Variants in KLHL22 observed in about 807,000 individuals in gnomAD.
The protein encoded by KLHL22 is kelch-like protein 22.
In KLHL22, 18 loss-of-function variants were observed where a neutral mutation model predicts 60.7. The ratio of observed to expected loss-of-function variants is 0.30; its 90% CI spans 0.20 to 0.44. The LOEUF is 0.44. Among genes scored for constraint, KLHL22 ranks in the 20% least tolerant of loss-of-function variants. The pLI is 1.00. For missense variants in KLHL22, 596 were observed against 852.3 expected, an observed-to-expected ratio of 0.70 and a Z score of 3.74; for synonymous variants, 355 against 354.5, an observed-to-expected ratio of 1.00 and a Z score of -0.01.
chr22:20,454,492 G>C (rs778124199), intron 5 of KLHL22, among the ~76,000 whole-genome samples: 1 of 152,170 alleles, frequency 6.6e-6, no homozygotes, highest in Non-Finnish European at 1.5e-5. Context: ...GTTCCCTACT[G>C]TGCATGTGGA....
At chr22:20,488,699 AG>A (rs2053629826) in intron 2 of KLHL22, 1 of 317,956 alleles carries the variant, frequency 3.1e-6, no homozygotes, top group Admixed American at 4.6e-5. Context: ...GAGGAGAGAA[AG>A]GAGGAAAGAA....
intron 5 of KLHL22, chr22:20,451,911 TCTCA>T: frequency 1.7e-6 from 2 of 1,206,680 alleles, no homozygotes; most frequent in Non-Finnish European, 2.4e-6. Context: ...AATGTCTGTT[TCTCA>T]CTATGTGCAC....
rs537459323 is a variant in KLHL22 at position 20,483,819 on chromosome 22, T to C, written c.227+5166A>G. 38 of 740,150 alleles carry C rather than the reference T, an allele frequency of 5.1e-5. No individual in the cohort carries two copies. In the East Asian group the frequency reaches 8.1e-4, roughly 16 times the overall value. The allele number at this position is 740,150 out of a possible 1,614,324, so 45.8% of individuals were successfully genotyped here. A position where few individuals can be genotyped will look rare whatever the true frequency, so the allele number is the denominator to read the frequency against. ...CTCGGTCTCCAGGCTCCTCGCTCTG[T>C]CCAGGTAGGAGGCCAGGCGGTCATT... On this transcript the variant is annotated intron_variant, in intron 2 of 6. Transcript: ENST00000328879.
At chr22:20,450,300 A>C in intron 5 of KLHL22, 1 of 1,071,656 alleles carries the variant, frequency 9.3e-7, no homozygotes, top group East Asian at 2.4e-5. Context: ...CTTCTGTGCC[A>C]TGTTCACTAG....
chr22:20,460,479 T>A lies in KLHL22; in HGVS notation c.1113-2479A>T, dbSNP rs555010057. On this transcript the variant is annotated intron_variant, in intron 4 of 6. Transcript: ENST00000328879. ...AAAAAATTAGCCAGGCATGGTGGTG[T>A]GTGGCTGTAGTTCCAGCTACTCGGG... is the stretch of plus-strand genomic sequence containing the variant. 2.6e-4 allele frequency among the ~76,000 whole-genome samples: 39 copies of A among 151,854 alleles called. No individual in the cohort carries two copies. In the South Asian group the frequency reaches 7.5e-3, roughly 29 times the overall value.
chr22:20,489,963 T>A (rs1204381234), intron 1 of KLHL22: 1 of 364,466 alleles, frequency 2.7e-6, no homozygotes, highest in East Asian at 7.6e-5. Context: ...AGTCAGTACG[T>A]TCAAAAACCG....
At chr22:20,444,687 A>G (rs2052825979) in intron 6 of KLHL22, among the ~76,000 whole-genome samples, 1 of 152,260 alleles carries the variant, frequency 6.6e-6, no homozygotes, top group Admixed American at 6.5e-5. Context: ...AAACTTAGAC[A>G]CAAGAGGGGA....
intron 2 of KLHL22, among the ~76,000 whole-genome samples, chr22:20,484,422 G>C (rs1276181653): frequency 6.6e-6 from 1 of 152,076 alleles, no homozygotes; most frequent in Non-Finnish European, 1.5e-5. Context: ...ACCCTCCTGA[G>C]TAGCTAGAAT....
At chr22:20,474,422 G>A (rs745528645) in intron 2 of KLHL22, among the ~76,000 whole-genome samples, 16 of 151,088 alleles carry the variant, frequency 1.1e-4, no homozygotes, top group Admixed American at 9.2e-4. Context: ...ATGGAGTTTC[G>A]CTCTTGTCGC....
chr22:20,484,308 T>C (rs1422078986), intron 2 of KLHL22, among the ~76,000 whole-genome samples: 1 of 152,078 alleles, frequency 6.6e-6, no homozygotes, highest in Non-Finnish European at 1.5e-5. Context: ...TGTTTTTTGC[T>C]TTTTGAGGCA....
chr22:20,490,034 C>T (rs2053657913), intron 1 of KLHL22, among the ~76,000 whole-genome samples: 1 of 152,192 alleles, frequency 6.6e-6, no homozygotes, highest in African/African-American at 2.4e-5. Flanking sequence ...ACTGCAAATG[C>T]ACTTTTGCCA....
At position 20,478,203 on chromosome 22, in the gene KLHL22, T is replaced by C. The variant is rs2053443409; in HGVS notation, c.228-6688A>G. Among the ~76,000 whole-genome samples, 3 of 149,674 alleles carry C rather than the reference T, an allele frequency of 2.0e-5. No homozygotes were observed. The South Asian group carries it at 6.4e-4, about 32-fold the overall frequency. On this transcript the variant is annotated intron_variant, in intron 2 of 6. Transcript: ENST00000328879. ...TTTTCACCAAAAATTTTACCAAATT[T>C]AATTTTTTTTTTTTTTTCTGAGGCA...
rs746622691 is a variant in KLHL22 at position 20,442,195 on chromosome 22, G to A, written c.1783C>T (p.Arg595Cys). The stretch of plus-strand genomic sequence containing the variant: ...CGGGGCGGCTCAAGGAGCAGGGAGC[G>A]GGGCAGGGTGAGCACACAGGCCGCC... ...GLAACVLTLP[R>C]SLLLEPPRGT... The change falls in exon 7 of 7, where the codon CGC (arginine) becomes TGC (cysteine). Residue 595 changes from arginine to cysteine, a missense_variant. By Grantham distance (180) the Arg-to-Cys change is radical. Coordinates refer to ENST00000328879, the MANE Select transcript of KLHL22 (RefSeq NM_032775.4). 12 of 1,588,882 alleles carry A rather than the reference G, an allele frequency of 7.6e-6. No homozygotes were observed. Among genetic ancestry groups the A allele is most frequent in the African/African-American group, 6.7e-5 (5 of 74,454 alleles).
chr22:20,480,060 G>C (rs1232135111), intron 2 of KLHL22, among the ~76,000 whole-genome samples: 2 of 152,192 alleles, frequency 1.3e-5, no homozygotes, highest in Non-Finnish European at 2.9e-5. Flanking sequence ...TAACACACAT[G>C]AACCTTAAGG....
intron 1 of KLHL22, among the ~76,000 whole-genome samples, chr22:20,490,185 C>T (rs893856311): frequency 1.3e-5 from 2 of 152,206 alleles, no homozygotes; most frequent in African/African-American, 4.8e-5. Flanking sequence ...GTCTTCTCCA[C>T]CTCACTTCAT....
At chr22:20,480,827 CTTTTT>C (rs760373717) in intron 2 of KLHL22, among the ~76,000 whole-genome samples, 1 of 121,570 alleles carries the variant, frequency 8.2e-6, no homozygotes, top group Admixed American at 8.5e-5. Flanking sequence ...TTACGCCAAA[CTTTTT>C]TTTTTTTTTT....
At position 20,484,004 on chromosome 22, in the gene KLHL22, G is replaced by A. The variant is rs572576417; in HGVS notation, c.227+4981C>T. The A allele has an allele frequency of 2.5e-4, 177 of 719,586 alleles. 1 individual carries two copies. The highest frequency in any genetic ancestry group is 7.5e-4 in the Middle Eastern group (2 of 2,684). 44.6% of individuals were successfully genotyped at this position (719,586 alleles called of 1,614,324 possible). The stretch of plus-strand genomic sequence containing the variant: ...CAGAGCCCTCGGTGCCTGCATAGAC[G>A]CTGGCCACGCTGCTGACCAGCCAGG... On this transcript the variant is annotated intron_variant, in intron 2 of 6. Transcript: ENST00000328879.
chr22:20,450,091 A>C, intron 5 of KLHL22: 2 of 759,510 alleles, frequency 2.6e-6, no homozygotes, highest in Admixed American at 1.7e-5. Flanking sequence ...GAATCCAAGG[A>C]CCTATTTTTG....
In KLHL22 at chr22:20,464,926, G is replaced by A; in HGVS notation, c.1044C>T (p.Asn348=). 3 of 1,580,758 alleles carry A rather than the reference G, an allele frequency of 1.9e-6. No homozygotes were observed. The highest frequency in any genetic ancestry group is 2.6e-6 in the Non-Finnish European group (3 of 1,165,712). ...RMSNQGIAVL[N]NFVYLIGGDN... is the part of the protein sequence containing the mutation. ...CCCCTCCAATCAAGTATACGAAGTT[G>A]TTGAGCACCGCGATGCCCTGGTTGG... is the stretch of plus-strand genomic sequence containing the variant. Residue 348 remains asparagine (N), a synonymous_variant, in exon 4 of 7, where the codon AAC becomes AAT. Coordinates refer to ENST00000328879, the MANE Select transcript of KLHL22 (RefSeq NM_032775.4).
Sources: allele counts gnomAD v4.1 joint callset (sites outside exome capture counted in the v4.1 genomes callset), GRCh38; gene constraint gnomAD v4.1.1; transcripts MANE v1.5; gene names NCBI Gene and HGNC (gene_info 2026-07-23, HGNC 2026-07-21).